Variants in SAMD12 observed in about 807,000 individuals in gnomAD.
SAMD12 encodes the protein sterile alpha motif domain-containing protein 12.
A neutral mutation model predicts 15.0 loss-of-function variants in SAMD12; 9 were observed. The observed-to-expected ratio is 0.60, with a 90% CI of 0.36 to 1.05. The LOEUF (loss-of-function observed/expected upper bound fraction) is 1.05. SAMD12 is among the 50% of genes least tolerant of loss of function. The probability of loss-of-function intolerance (pLI) is 0.01; values close to 1 mark genes in which losing one functional copy is unlikely to be tolerated. For synonymous variants in SAMD12, 86 were observed against 90.1 expected (o/e 0.96, Z 0.25); for missense variants, 230 against 234.2 (o/e 0.98, Z 0.12).
At chr8:118,319,029 T>C (rs1816092395) in intron 4 of SAMD12, among the ~76,000 whole-genome samples, 1 of 152,050 alleles carries the variant, frequency 6.6e-6, no homozygotes, top group South Asian at 2.1e-4. Context: ...TATGGAGAAG[T>C]GAAGGGCTAT....
chr8:118,160,120 G>A, the SAMD12 span, among the ~76,000 whole-genome samples: 2 of 152,188 alleles, frequency 1.3e-5, no homozygotes, highest in African/African-American at 2.4e-5. Flanking sequence ...TTCTAGGAAT[G>A]TAAAAATATA....
intron 2 of SAMD12, among the ~76,000 whole-genome samples, chr8:118,514,193 T>G (rs1178298899): frequency 1.3e-5 from 2 of 152,180 alleles, no homozygotes; most frequent in South Asian, 2.1e-4. Context: ...CATACAACTC[T>G]CTAATGGGTT....
intron 4 of SAMD12, among the ~76,000 whole-genome samples, chr8:118,275,395 A>G (rs1170361302): frequency 1.3e-5 from 2 of 152,160 alleles, no homozygotes; most frequent in Non-Finnish European, 2.9e-5. Flanking sequence ...ATTTTCTTAC[A>G]CTGCTTGTGT....
the SAMD12 span, among the ~76,000 whole-genome samples, chr8:118,151,723 A>C: frequency 6.6e-6 from 1 of 151,726 alleles, no homozygotes; most frequent in African/African-American, 2.4e-5. Flanking sequence ...CCAGCTACTC[A>C]GGAGGCTGAG....
rs142856382 is a variant in SAMD12 at position 118,222,544 on chromosome 8, T to C, written c.434-24812A>G. Among the ~76,000 whole-genome samples the C allele has an allele frequency of 3.1e-3, 471 of 152,264 alleles. 11 individuals carry two copies. In the South Asian group the frequency reaches 0.05, roughly 16 times the overall value. ...TTTTGAGATGGAGTTTTGCTCCTGT[T>C]GCCCAGGGTGGAGTGCAATGCCTCA... On this transcript the variant is annotated intron_variant, in intron 4 of 4. Transcript: ENST00000409003.
intron 4 of SAMD12, among the ~76,000 whole-genome samples, chr8:118,317,485 G>T (rs1047495968): frequency 2.6e-5 from 4 of 152,166 alleles, no homozygotes; most frequent in African/African-American, 9.7e-5. Flanking sequence ...GACAATACAT[G>T]AACCTCATGA....
rs557756620 is a variant in SAMD12, at chr8:118,580,989, G to A, written c.14-96C>T. On this transcript the variant is annotated intron_variant, in intron 1 of 3. Coordinates refer to ENST00000314727, the MANE Select transcript of SAMD12 (RefSeq NM_207506.3). ...CATCAAGCCTAAGTAGGAAAAAAAC[G>A]AGGCATCTATGAGTCGAGAGGTGGT... is the stretch of plus-strand genomic sequence containing the variant. The A allele has an allele frequency of 6.4e-6, 6 of 932,666 alleles. No homozygotes were observed. The Admixed American group carries it at 1.1e-4, about 17-fold the overall frequency. 57.8% of individuals were successfully genotyped at this position (932,666 alleles called of 1,614,324 possible).
chr8:118,317,316 A>T (rs1006419551), intron 4 of SAMD12, among the ~76,000 whole-genome samples: 1 of 152,196 alleles, frequency 6.6e-6, no homozygotes, highest in Non-Finnish European at 1.5e-5. Context: ...GTCACCAGAG[A>T]TGCATAAATA....
intron 2 of SAMD12, among the ~76,000 whole-genome samples, chr8:118,550,046 G>T (rs923811443): frequency 1.3e-4 from 20 of 152,158 alleles, no homozygotes; most frequent in African/African-American, 4.8e-4. Context: ...CCAAATCTAC[G>T]ACTGATTGGT....
chr8:118,531,513 T>C (rs1290707249), intron 2 of SAMD12, among the ~76,000 whole-genome samples: 2 of 152,228 alleles, frequency 1.3e-5, no homozygotes, highest in Non-Finnish European at 2.9e-5. Context: ...ATAAATTACC[T>C]TGGGCAGTAT....
At position 118,405,716 on chromosome 8, in the gene SAMD12, A is replaced by G. The variant is rs145775510; in HGVS notation, c.323-26016T>C. 1.5e-3 allele frequency among the ~76,000 whole-genome samples: 234 copies of G among 152,312 alleles called. 1 individual carries two copies. Among genetic ancestry groups the G allele is most frequent in the African/African-American group, 5.5e-3 (229 of 41,556 alleles). ...GGGAGGGAGAGAGAAAGGAGGGGAA[A>G]AAATGGAAAGGAAAGATAAACCATT... On this transcript the variant is annotated intron_variant, in intron 3 of 3. Transcript: ENST00000314727.
intron 2 of SAMD12, among the ~76,000 whole-genome samples, chr8:118,444,079 T>C (rs561991987): frequency 4.6e-5 from 7 of 152,334 alleles, no homozygotes; most frequent in African/African-American, 1.7e-4. Flanking sequence ...TTCTCTGATA[T>C]GCTGCTGGGT....
chr8:118,600,163 C>G (rs1827824888), intron 1 of SAMD12, among the ~76,000 whole-genome samples: 1 of 152,120 alleles, frequency 6.6e-6, no homozygotes, highest in African/African-American at 2.4e-5. Context: ...GAAACTTAGA[C>G]TTTATCCTGA....
chr8:118,402,151 C>A (rs1274378763), intron 3 of SAMD12, among the ~76,000 whole-genome samples: 1 of 151,962 alleles, frequency 6.6e-6, no homozygotes, highest in Non-Finnish European at 1.5e-5. Context: ...AAATCACACA[C>A]CACAAAAGGA....
At chr8:118,543,291 C>T (rs1344852634) in intron 2 of SAMD12, among the ~76,000 whole-genome samples, 1 of 152,194 alleles carries the variant, frequency 6.6e-6, no homozygotes, top group Non-Finnish European at 1.5e-5. Flanking sequence ...AATTAAACCT[C>T]TTTGTGTACA....
chr8:118,359,429 A>G (rs1171463824), intron 4 of SAMD12, among the ~76,000 whole-genome samples: 1 of 152,166 alleles, frequency 6.6e-6, no homozygotes, highest in Non-Finnish European at 1.5e-5. Context: ...CAGCCGACTA[A>G]TATAATCTCC....
chr8:118,350,718 C>G (rs1013344797), intron 4 of SAMD12, among the ~76,000 whole-genome samples: 1 of 152,138 alleles, frequency 6.6e-6, no homozygotes, highest in Non-Finnish European at 1.5e-5. Flanking sequence ...GGATATAATG[C>G]AATAAGGCCC....
chr8:118,343,627 G>A (rs1311889425), intron 4 of SAMD12, among the ~76,000 whole-genome samples: 1 of 152,146 alleles, frequency 6.6e-6, no homozygotes, highest in Non-Finnish European at 1.5e-5. Flanking sequence ...TTTACATTTT[G>A]TGCCAAGCAC....
At chr8:118,621,662 G>A in intron 1 of SAMD12, 142 bp downstream of exon 1, 4 of 900,042 alleles carry the variant, frequency 4.4e-6, no homozygotes, top group Non-Finnish European at 5.5e-6. Context: ...GCAGGTGAGT[G>A]CCAAGAGGTG....
Sources: allele counts gnomAD v4.1 joint callset (sites outside exome capture counted in the v4.1 genomes callset), GRCh38; gene constraint gnomAD v4.1.1; transcripts MANE v1.5; gene names NCBI Gene and HGNC (gene_info 2026-07-23, HGNC 2026-07-21).